Variants in RIC1 observed in about 807,000 individuals in gnomAD.
RIC1 encodes RIC1 partner of RAB6A GEF complex, also known as guanine nucleotide exchange factor subunit RIC1.
Under a neutral mutation model 169.0 loss-of-function variants are expected in RIC1, and 88 were observed. The observed-to-expected ratio is 0.52, with a 90% confidence interval of 0.44 to 0.62. The LOEUF (loss-of-function observed/expected upper bound fraction) is 0.62. Among genes scored for constraint, RIC1 ranks in the 20% least tolerant of loss-of-function variants. RIC1 has a pLI of 0.00. For synonymous variants in RIC1, 790 were observed against 601.5 expected (o/e 1.31, Z -4.59); for missense variants, 1,877 against 1,725.5 (o/e 1.09, Z -1.56).
intron 2 of RIC1, among the ~76,000 whole-genome samples, chr9:5,683,260 T>TC (rs1163156847): frequency 2.0e-5 from 3 of 152,212 alleles, no homozygotes; most frequent in Admixed American, 6.5e-5. Flanking sequence ...CTCTGTTTTT[T>TC]CCCCGTCTTT....
Position 5,763,941 on chromosome 9 carries a change from T to C in RIC1, c.2841+73T>C, listed in dbSNP as rs769655901. ...TTAGAAAAATAGAAATGTCCTGTTT[T>C]GACACCATGATTGTGTTTAAGGAAT... On this transcript the variant is annotated intron_variant, in intron 19 of 25. Transcript: ENST00000414202. This position sits in a 1 kb window ranked among gnomAD's most constrained non-coding sequence, Gnocchi z 5.2. 7.5e-6 allele frequency: 11 copies of C among 1,468,062 alleles called. No homozygotes were observed. The highest frequency in any genetic ancestry group is 1.0e-5 in the Non-Finnish European group (11 of 1,090,484). The allele number at this position is 1,468,062 out of a possible 1,614,324, so 90.9% of individuals were successfully genotyped here. A position where few individuals can be genotyped will look rare whatever the true frequency, so the allele number is the denominator to read the frequency against.
intron 7 of RIC1, among the ~76,000 whole-genome samples, chr9:5,733,189 C>A (rs1824476280): frequency 1.3e-5 from 2 of 149,836 alleles, no homozygotes. Context: ...CAAAATGAGA[C>A]TTGGTTGTTC....
At chr9:5,694,304 GT>G (rs1312100495) in intron 3 of RIC1, among the ~76,000 whole-genome samples, 2 of 151,992 alleles carry the variant, frequency 1.3e-5, no homozygotes, top group African/African-American at 4.8e-5. Flanking sequence ...CTCAATATAT[GT>G]TTCTTTTTGC....
chr9:5,683,772 C>T (rs944448833), intron 2 of RIC1, among the ~76,000 whole-genome samples: 12 of 152,204 alleles, frequency 7.9e-5, no homozygotes, highest in Admixed American at 7.2e-4. Context: ...GGCGGGCCTC[C>T]TTGAGCTGTG....
At position 5,663,712 on chromosome 9, in the gene RIC1, A is replaced by G. The variant is rs138189099; in HGVS notation, c.252+7022A>G. On this transcript the variant is annotated intron_variant, in intron 2 of 25. Transcript: ENST00000414202. ...TTTGGGATGTGTGTCTTTGCACATG[A>G]TATGGGTCTTTTGAAGACAGCATAC... is the stretch of plus-strand genomic sequence containing the variant. Among the ~76,000 whole-genome samples the G allele has an allele frequency of 2.6e-4, 40 of 152,226 alleles. No individual in the cohort carries two copies. In the East Asian group the frequency reaches 6.8e-3, roughly 26 times the overall value.
intron 11 of RIC1, among the ~76,000 whole-genome samples, chr9:5,746,580 A>G (rs935131762): frequency 9.9e-5 from 15 of 152,148 alleles, no homozygotes; most frequent in Non-Finnish European, 1.9e-4. Flanking sequence ...AGTGTTCCCC[A>G]TGCTTATTTA....
intron 1 of RIC1, among the ~76,000 whole-genome samples, chr9:5,643,405 T>C (rs1045479063): frequency 6.6e-6 from 1 of 152,168 alleles, no homozygotes; most frequent in Non-Finnish European, 1.5e-5. Flanking sequence ...TATTTAAATT[T>C]TGATGAACTA....
chr9:5,712,388 A>G (rs1202617971), intron 3 of RIC1, among the ~76,000 whole-genome samples: 3 of 152,208 alleles, frequency 2.0e-5, no homozygotes, highest in Non-Finnish European at 2.9e-5. Flanking sequence ...AGAAACTACC[A>G]TCAGAGTGAA....
chr9:5,658,121 A>G (rs1233205467), intron 2 of RIC1, among the ~76,000 whole-genome samples: 1 of 152,110 alleles, frequency 6.6e-6, no homozygotes, highest in Non-Finnish European at 1.5e-5. Flanking sequence ...GACATTTTAT[A>G]TTATTTTTAT....
intron 1 of RIC1, among the ~76,000 whole-genome samples, chr9:5,637,727 C>G (rs1001471177): frequency 6.6e-6 from 1 of 152,198 alleles, no homozygotes; most frequent in African/African-American, 2.4e-5. Context: ...TCTCTCTATG[C>G]CTTGCTTATT....
At chr9:5,769,452 T>TA in intron 22 of RIC1, 196 bp downstream of exon 22, 1 of 1,483,780 alleles carries the variant, frequency 6.7e-7, no homozygotes. Context: ...CCTATGTCTC[T>TA]AAGTCTTGTG....
chr9:5,720,746 C>A lies in RIC1; in HGVS notation c.716C>A (p.Ala239Glu), dbSNP rs761480642. The change falls in exon 6 of 26, where the codon GCA (alanine) becomes GAA (glutamate). Residue 239 changes from alanine to glutamate, a missense_variant. Ala to Glu is a moderately radical substitution (Grantham distance 107, BLOSUM62 -1). Around this residue, in one of 3 missense-constraint regions of RIC1, gnomAD observed 1,104 missense variants for 992.0 expected, o/e 1.11. Coordinates refer to ENST00000414202, the MANE Select transcript of RIC1 (RefSeq NM_020829.4). ...ACACCAGTGTCAAGTAGATTTACTG[C>A]AGAGGTATGACTTATTTACTTTGAA... ...FITPVSSRFTAEQLHGVWPQD... is the reference protein window; with the variant it reads ...FITPVSSRFTEEQLHGVWPQD... 1 of 1,603,206 alleles carries A rather than the reference C, an allele frequency of 6.2e-7. No individual in the cohort carries two copies. The highest frequency in any genetic ancestry group is 2.2e-5 in the East Asian group (1 of 44,558).
At chr9:5,732,532 G>T (rs978698729) in intron 7 of RIC1, 53 bp downstream of exon 7, 58 of 918,756 alleles carry the variant, frequency 6.3e-5, no homozygotes, top group South Asian at 5.6e-4. Flanking sequence ...AAAAATACTG[G>T]TTTTTTTTTT....
intron 8 of RIC1, among the ~76,000 whole-genome samples, 169 bp downstream of exon 8, chr9:5,738,707 A>G (rs1341976964): frequency 6.6e-6 from 1 of 152,076 alleles, no homozygotes; most frequent in East Asian, 1.9e-4. Flanking sequence ...AGGGGCCGTG[A>G]TTCTGTTTTA....
chr9:5,698,687 C>G (rs959254669), intron 3 of RIC1, among the ~76,000 whole-genome samples: 1 of 152,110 alleles, frequency 6.6e-6, no homozygotes, highest in African/African-American at 2.4e-5. Context: ...TGCTTTTTCC[C>G]AAGACTTTGG....
intron 2 of RIC1, among the ~76,000 whole-genome samples, chr9:5,659,270 T>C (rs1323010264): frequency 6.6e-6 from 1 of 152,170 alleles, no homozygotes; most frequent in Non-Finnish European, 1.5e-5. Context: ...TCTGTCCTTA[T>C]TCCAGTACCA....
intron 1 of RIC1, among the ~76,000 whole-genome samples, chr9:5,633,459 T>C (rs996105205): frequency 6.6e-6 from 1 of 152,182 alleles, no homozygotes; most frequent in African/African-American, 2.4e-5. Context: ...CATTTCTGCC[T>C]GTCAGAGTAT....
At chr9:5,727,101 G>A (rs1348409558) in intron 6 of RIC1, among the ~76,000 whole-genome samples, 3 of 152,190 alleles carry the variant, frequency 2.0e-5, no homozygotes, top group Non-Finnish European at 4.4e-5. Flanking sequence ...ATGTTGGTCT[G>A]CCTTGCTAGG....
chr9:5,772,902 C>T lies in RIC1; in HGVS notation c.3805C>T (p.His1269Tyr), dbSNP rs1827320484. ...KSQVQLRYLL[H>Y]IFMEAGCLDW... Reference sequence around the variant, plus strand: ...TCTGCTTATATTTAGGTATTTGCTACACATTTTCATGGAGGCAGGGTGCCT... The same window carrying T: ...TCTGCTTATATTTAGGTATTTGCTATACATTTTCATGGAGGCAGGGTGCCT... Residue 1269 changes from histidine to tyrosine, a missense_variant, in exon 25 of 26, where the codon CAC becomes TAC. Physicochemically the swap from His to Tyr is moderately conservative, Grantham distance 83 (BLOSUM62 2). Around this residue, in one of 3 missense-constraint regions of RIC1, gnomAD observed 681 missense variants for 582.0 expected, o/e 1.17. Transcript: ENST00000414202. 2.5e-6 allele frequency: 4 copies of T among 1,611,076 alleles called. No homozygotes were observed. In the African/African-American group the frequency reaches 4.0e-5, roughly 16 times the overall value.
Sources: allele counts gnomAD v4.1 joint callset (sites outside exome capture counted in the v4.1 genomes callset), GRCh38; gene constraint gnomAD v4.1.1; regional missense constraint gnomAD v4.1.1; non-coding constraint Gnocchi (gnomAD v3.1); transcripts MANE v1.5; gene names NCBI Gene and HGNC (gene_info 2026-07-23, HGNC 2026-07-21).